Variants in RAB38 observed in about 807,000 individuals in gnomAD.
RAB38 encodes the protein ras-related protein Rab-38.
Under a neutral mutation model 18.4 loss-of-function variants are expected in RAB38, and 15 were observed. The observed-to-expected ratio is 0.82, with a 90% CI of 0.55 to 1.26. RAB38 has a LOEUF of 1.26. RAB38 is among the 50% of genes most tolerant of loss of function. The pLI, the probability that RAB38 is intolerant of heterozygous loss-of-function variation, is 0.00. For missense variants in RAB38, 294 were observed against 267.4 expected, an observed-to-expected ratio of 1.10 and a Z score of -0.69; for synonymous variants, 101 against 104.4, an observed-to-expected ratio of 0.97 and a Z score of 0.20.
rs1565016 is a variant in RAB38 at position 88,138,242 on chromosome 11, C to G, written c.483+11433G>C. Among the ~76,000 whole-genome samples the G allele has an allele frequency of 1.1e-4, 16 of 151,994 alleles. No homozygotes were observed. In the East Asian group the frequency reaches 3.1e-3, roughly 29 times the overall value. ...AAAACTAGTCTCAACAGAATAAACA[C>G]TATAATGGAAATTTTTTAAAACATT... On this transcript the variant is annotated intron_variant, in intron 2 of 2. Transcript: ENST00000243662.
At chr11:87,841,715 G>A in the RAB38 span, among the ~76,000 whole-genome samples, 14 of 152,144 alleles carry the variant, frequency 9.2e-5, no homozygotes, top group Non-Finnish European at 1.9e-4. Flanking sequence ...TGATCTGGAC[G>A]TGAAAAAACT....
the RAB38 span, among the ~76,000 whole-genome samples, chr11:87,867,814 A>T: frequency 2.0e-5 from 3 of 151,712 alleles, no homozygotes; most frequent in African/African-American, 7.2e-5. Flanking sequence ...TTTTACGTTT[A>T]TACCACAGAT....
chr11:88,169,306 T>C (rs996132210), intron 1 of RAB38, among the ~76,000 whole-genome samples: 13 of 152,228 alleles, frequency 8.5e-5, no homozygotes, highest in African/African-American at 2.9e-4. Flanking sequence ...CTACTTATCA[T>C]TAAGTGGGGG....
At position 88,141,925 on chromosome 11, in the gene RAB38, G is replaced by A. The variant is rs146412759; in HGVS notation, c.483+7750C>T. On this transcript the variant is annotated intron_variant, in intron 2 of 2. Transcript: ENST00000243662. ...GCCTCTACAGGTTTCCTCAAGAGCT[G>A]TCCTCTCTCCAACCAACATGCCTGG... is the stretch of plus-strand genomic sequence containing the variant. Among the ~76,000 whole-genome samples, 953 of 152,194 alleles carry A rather than the reference G, an allele frequency of 6.3e-3. 10 individuals are homozygous for A. Among genetic ancestry groups the A allele is most frequent in the African/African-American group, 0.022 (909 of 41,518 alleles).
At chr11:87,867,881 A>G in the RAB38 span, among the ~76,000 whole-genome samples, 1 of 151,706 alleles carries the variant, frequency 6.6e-6, no homozygotes, top group African/African-American at 2.4e-5. Context: ...GAGCTAGTAA[A>G]CGGCAGAGAT....
At chr11:88,022,226 A>G in the RAB38 span, among the ~76,000 whole-genome samples, 1 of 152,026 alleles carries the variant, frequency 6.6e-6, no homozygotes, top group Non-Finnish European at 1.5e-5. Flanking sequence ...ATATCAACAG[A>G]ATGAAGGATA....
At chr11:88,108,218 G>C in the RAB38 span, among the ~76,000 whole-genome samples, 6 of 151,970 alleles carry the variant, frequency 3.9e-5, no homozygotes, top group Non-Finnish European at 8.8e-5. Context: ...TTGATAGTGG[G>C]TGTTAAAGTC....
At chr11:88,024,693 TA>T in the RAB38 span, among the ~76,000 whole-genome samples, 2 of 152,138 alleles carry the variant, frequency 1.3e-5, no homozygotes, top group Admixed American at 6.5e-5. Flanking sequence ...TATTCAGCTA[TA>T]AAAAAGAATG....
the RAB38 span, among the ~76,000 whole-genome samples, chr11:88,037,165 CATTCTATTACAACCAGGGTCAATTATG>C: frequency 6.6e-6 from 1 of 151,956 alleles, no homozygotes; most frequent in Admixed American, 6.6e-5. Flanking sequence ...TTTGTTGAAA[CATTCTATTACAACCAGGGTCAATTATG>C]ATAAATAGTA....
At chr11:87,959,188 CAT>C in the RAB38 span, among the ~76,000 whole-genome samples, 1 of 152,064 alleles carries the variant, frequency 6.6e-6, no homozygotes, top group Non-Finnish European at 1.5e-5. Flanking sequence ...GAATTAATGA[CAT>C]GTGAAACATT....
the RAB38 span, among the ~76,000 whole-genome samples, chr11:88,069,090 G>A: frequency 6.6e-6 from 1 of 152,200 alleles, no homozygotes; most frequent in Non-Finnish European, 1.5e-5. Flanking sequence ...CACTGCGATT[G>A]CGGGCCAGGG....
At chr11:87,904,509 TG>T in the RAB38 span, among the ~76,000 whole-genome samples, 1 of 151,840 alleles carries the variant, frequency 6.6e-6, no homozygotes, top group East Asian at 1.9e-4. Flanking sequence ...GTGCCTTGGT[TG>T]TTTCCATGCC....
chr11:88,119,826 C>T (rs1942607946), intron 2 of RAB38, among the ~76,000 whole-genome samples: 1 of 152,050 alleles, frequency 6.6e-6, no homozygotes, highest in African/African-American at 2.4e-5. Flanking sequence ...AATTCCCCAG[C>T]CCTGTGAAAT....
chr11:87,959,998 A>G, the RAB38 span, among the ~76,000 whole-genome samples: 1 of 152,166 alleles, frequency 6.6e-6, no homozygotes, highest in Non-Finnish European at 1.5e-5. Context: ...AACCTAAGTA[A>G]TGAAACTCCA....
At chr11:88,108,651 A>G (rs1488373214), downstream of RAB38, among the ~76,000 whole-genome samples, 1 of 152,088 alleles carries the variant, frequency 6.6e-6, no homozygotes, top group East Asian at 1.9e-4. Context: ...CATTTAAGGT[A>G]AATATTGTTA....
the RAB38 span, among the ~76,000 whole-genome samples, chr11:88,092,926 C>T: frequency 6.6e-6 from 1 of 151,782 alleles, no homozygotes; most frequent in Non-Finnish European, 1.5e-5. Context: ...GAAGGCAAGG[C>T]TTTCTTTCCC....
the RAB38 span, among the ~76,000 whole-genome samples, chr11:87,879,063 T>C: frequency 6.6e-6 from 1 of 150,682 alleles, no homozygotes; most frequent in Non-Finnish European, 1.5e-5. Context: ...GTAAATCATA[T>C]TAAAGGTAGG....
chr11:88,025,593 T>C, the RAB38 span, among the ~76,000 whole-genome samples: 3 of 152,168 alleles, frequency 2.0e-5, no homozygotes, highest in Non-Finnish European at 2.9e-5. Flanking sequence ...AGATGCCTCA[T>C]TGTGGTATTG....
At chr11:88,073,488 G>A in the RAB38 span, among the ~76,000 whole-genome samples, 1 of 152,006 alleles carries the variant, frequency 6.6e-6, no homozygotes, top group Non-Finnish European at 1.5e-5. Flanking sequence ...ACCTAGCAGG[G>A]AAAAAGAAAA....
Sources: allele counts gnomAD v4.1 joint callset (sites outside exome capture counted in the v4.1 genomes callset), GRCh38; gene constraint gnomAD v4.1.1; transcripts MANE v1.5; gene names NCBI Gene and HGNC (gene_info 2026-07-23, HGNC 2026-07-21).